TBK1: variants seen among roughly 807,000 people sequenced by gnomAD.
TBK1 encodes serine/threonine-protein kinase TBK1.
A neutral mutation model predicts 99.9 loss-of-function variants in TBK1; 37 were observed. That is an observed-to-expected ratio of 0.37 (90% CI 0.28 to 0.49). TBK1 has a LOEUF of 0.49. Among genes scored for constraint, TBK1 ranks in the 20% least tolerant of loss-of-function variants. The probability of loss-of-function intolerance (pLI) is 0.98; values close to 1 mark genes in which losing one functional copy is unlikely to be tolerated. For synonymous variants in TBK1, 258 were observed against 279.8 expected, an observed-to-expected ratio of 0.92 and a Z score of 0.78; for missense variants, 644 against 872.5, an observed-to-expected ratio of 0.74 and a Z score of 3.30.
intron 7 of TBK1, 62 bp downstream of exon 7, chr12:64,480,184 A>G (rs912338825): frequency 1.7e-6 from 2 of 1,150,394 alleles, no homozygotes; most frequent in Non-Finnish European, 2.6e-6. Flanking sequence ...TTTGTTGCCT[A>G]GAACCACAGA....
intron 7 of TBK1, among the ~76,000 whole-genome samples, chr12:64,481,631 A>G (rs183777715): frequency 9.2e-5 from 14 of 152,292 alleles, no homozygotes; most frequent in African/African-American, 3.4e-4. Flanking sequence ...TTTCTAGAAG[A>G]AAAAAAGCTA....
chr12:64,484,491 A>G lies in TBK1; in HGVS notation c.1181A>G (p.Tyr394Cys). ...REPLNTIGLIYEKISLPKVHP... is the reference protein window; with the variant it reads ...REPLNTIGLICEKISLPKVHP... ...CCTCTGAATACCATAGGATTAATAT[A>G]TGAAAAAAGTAAGTTGGGATTTTTC... Residue 394 changes from tyrosine to cysteine, a missense_variant, in exon 9 of 21, where the codon TAT becomes TGT. Transcript: ENST00000331710. The G allele has an allele frequency of 6.3e-7, 1 of 1,592,874 alleles. No homozygotes were observed. The highest frequency in any genetic ancestry group is 8.5e-7 in the Non-Finnish European group (1 of 1,173,104).
chr12:64,474,647 T>C (rs1453240635), intron 6 of TBK1, among the ~76,000 whole-genome samples: 1 of 152,224 alleles, frequency 6.6e-6, no homozygotes, highest in Non-Finnish European at 1.5e-5. Flanking sequence ...AAAAATGTAC[T>C]GCTTTCTAGA....
At position 64,501,498 on chromosome 12, in the gene TBK1, C is replaced by A; in HGVS notation, c.*117C>A. 4 of 1,020,100 alleles carry A rather than the reference C, an allele frequency of 3.9e-6. No homozygotes were observed. The highest frequency in any genetic ancestry group is 1.5e-5 in the South Asian group (1 of 65,544). The allele number at this position is 1,020,100 out of a possible 1,614,324, so 63.2% of individuals were successfully genotyped here. On this transcript the variant is annotated 3_prime_UTR_variant, in exon 21 of 21. Coordinates refer to ENST00000331710, the MANE Select transcript of TBK1 (RefSeq NM_013254.4). ...TCTACAATTCAGTATTTGATGTGGT[C>A]GTGTAAATATGTACAATATTGTAAA... is the stretch of plus-strand genomic sequence containing the variant.
At chr12:64,460,100 A>G in intron 2 of TBK1, 89 bp from the exon 3 acceptor site, 2 of 842,758 alleles carry the variant, frequency 2.4e-6, no homozygotes, top group Non-Finnish European at 3.3e-6. Flanking sequence ...CTGTAAGAAA[A>G]TAAGTTGCAA....
At chr12:64,481,348 G>C (rs1231672846) in intron 7 of TBK1, among the ~76,000 whole-genome samples, 1 of 152,108 alleles carries the variant, frequency 6.6e-6, no homozygotes, top group Non-Finnish European at 1.5e-5. Flanking sequence ...AGCATACCAA[G>C]TTACAAATTC....
intron 6 of TBK1, among the ~76,000 whole-genome samples, chr12:64,476,132 G>A (rs2040709838): frequency 6.9e-6 from 1 of 145,540 alleles, no homozygotes; most frequent in Admixed American, 6.9e-5. Flanking sequence ...CATGTTTGTT[G>A]GCAGCTTGCG....
At chr12:64,495,101 G>A (rs1426666149) in intron 13 of TBK1, among the ~76,000 whole-genome samples, 1 of 152,162 alleles carries the variant, frequency 6.6e-6, no homozygotes, top group Non-Finnish European at 1.5e-5. Context: ...AAATCTTGCT[G>A]CCTACACAGT....
chr12:64,467,101 A>G lies in TBK1; in HGVS notation c.540+19A>G. On this transcript the variant is annotated intron_variant, in intron 5 of 20. Coordinates refer to ENST00000331710, the MANE Select transcript of TBK1 (RefSeq NM_013254.4). ...ATATTTGGTAAGTCATGTATCACTA[A>G]TATTTTCATTTAAAGAAGCTTGATA... is the stretch of plus-strand genomic sequence containing the variant. 1 of 1,518,408 alleles carries G rather than the reference A, an allele frequency of 6.6e-7. No homozygotes were observed. The highest frequency in any genetic ancestry group is 8.9e-7 in the Non-Finnish European group (1 of 1,126,598). 94.1% of individuals were successfully genotyped at this position (1,518,408 alleles called of 1,614,324 possible).
At chr12:64,472,574 C>T (rs1233276018) in intron 5 of TBK1, among the ~76,000 whole-genome samples, 2 of 152,178 alleles carry the variant, frequency 1.3e-5, no homozygotes, top group Non-Finnish European at 2.9e-5. Context: ...CTCTGCAGAA[C>T]AAAATGTCCA....
intron 7 of TBK1, among the ~76,000 whole-genome samples, chr12:64,480,601 G>C (rs186269150): frequency 2.0e-4 from 31 of 152,254 alleles, no homozygotes; most frequent in Non-Finnish European, 1.5e-5. Flanking sequence ...CATTTCAAAT[G>C]TTCATTTGGG....
chr12:64,497,866 A>G (rs1413552907), intron 19 of TBK1, 102 bp from the exon 20 acceptor site: 19 of 1,386,340 alleles, frequency 1.4e-5, no homozygotes, highest in Admixed American at 2.0e-5. Context: ...ACAATGTTTA[A>G]TAAGGTTATC....
intron 4 of TBK1, among the ~76,000 whole-genome samples, chr12:64,465,454 A>G (rs979761826): frequency 1.3e-5 from 2 of 151,964 alleles, no homozygotes; most frequent in Admixed American, 6.6e-5. Flanking sequence ...ACATATCCAT[A>G]TAAAAACTTG....
chr12:64,495,713 A>G lies in TBK1; in HGVS notation c.1658A>G (p.Gln553Arg). 1.2e-6 allele frequency: 2 copies of G among 1,609,836 alleles called. No homozygotes were observed. Among genetic ancestry groups the G allele is most frequent in the African/African-American group, 1.3e-5 (1 of 74,758 alleles). ...TCCTTAAATAGTGTAGAAAAACTAC[A>G]AGTCCTGTTAAATTGCATGACAGAG... ...HPKDRNVEKL[Q>R]VLLNCMTEIY... The change falls in exon 15 of 21, where the codon CAA becomes CGA. Residue 553 changes from glutamine (Q) to arginine (R), a missense_variant. Physicochemically the swap from Gln to Arg is conservative, Grantham distance 43 (BLOSUM62 1). Coordinates refer to ENST00000331710, the MANE Select transcript of TBK1 (RefSeq NM_013254.4).
intron 20 of TBK1, 83 bp downstream of exon 20, chr12:64,498,122 A>AGAT (rs1592377703): frequency 8.6e-7 from 1 of 1,164,778 alleles, no homozygotes; most frequent in East Asian, 2.4e-5. Context: ...CTGTATCAAT[A>AGAT]GATTCAGCAG....
Position 64,455,977 on chromosome 12 carries a change from T to A in TBK1, c.87+20T>A, listed in dbSNP as rs1337050227. The A allele has an allele frequency of 1.3e-6, 2 of 1,560,286 alleles. No homozygotes were observed. The highest frequency in any genetic ancestry group is 1.8e-6 in the Non-Finnish European group (2 of 1,141,582). ...CATAAGGTTAGTACAGAGAAAACTT[T>A]GAAGACCTTTTATCACTGTATGTAT... On this transcript the variant is annotated intron_variant, in intron 2 of 20. Transcript: ENST00000331710.
intron 3 of TBK1, among the ~76,000 whole-genome samples, chr12:64,463,876 T>G (rs1194496843): frequency 3.3e-5 from 5 of 151,670 alleles, no homozygotes; most frequent in African/African-American, 1.2e-4. Context: ...TTTTGTTTTT[T>G]TTTTTTGAGA....
At chr12:64,481,772 A>G (rs557248505) in intron 7 of TBK1, 70 bp from the exon 8 acceptor site, 29 of 1,125,428 alleles carry the variant, frequency 2.6e-5, no homozygotes, top group African/African-American at 6.4e-5. Context: ...GCTGGTAAAT[A>G]CTATGATTTT....
chr12:64,478,855 AAGCAATGTC>A (rs1289941827), intron 6 of TBK1, among the ~76,000 whole-genome samples: 1 of 152,222 alleles, frequency 6.6e-6, no homozygotes, highest in Non-Finnish European at 1.5e-5. Flanking sequence ...TCAGCCTTTA[AAGCAATGTC>A]AGCATTTCTT....
Sources: allele counts gnomAD v4.1 joint callset (sites outside exome capture counted in the v4.1 genomes callset), GRCh38; gene constraint gnomAD v4.1.1; transcripts MANE v1.5; gene names NCBI Gene and HGNC (gene_info 2026-07-23, HGNC 2026-07-21).